The following TAFA1 variants were observed in gnomAD, a reference collection of about 807,000 sequenced individuals.
TAFA1 encodes TAFA chemokine like family member 1.
In TAFA1, 4 loss-of-function variants were observed where a neutral mutation model predicts 18.5. The observed-to-expected ratio is 0.22, with a 90% CI of 0.11 to 0.49. The LOEUF is 0.49. Ranked by LOEUF, TAFA1 falls within the 20% of genes least tolerant of loss-of-function variation. TAFA1 has a pLI of 0.98. For missense variants in TAFA1, 147 were observed against 169.0 expected (o/e 0.87, Z 0.72); for synonymous variants, 56 against 55.2 (o/e 1.01, Z -0.06).
chr3:68,298,440 A>G (rs1192860648), intron 2 of TAFA1, among the ~76,000 whole-genome samples: 1 of 152,188 alleles, frequency 6.6e-6, no homozygotes, highest in African/African-American at 2.4e-5. Flanking sequence ...GGACATTGAA[A>G]GGGTTTGCAG....
At position 68,350,358 on chromosome 3, in the gene TAFA1, C is replaced by T. The variant is rs183675477; in HGVS notation, c.119-66922C>T. On this transcript the variant is annotated intron_variant, in intron 2 of 4. Coordinates refer to ENST00000478136, the MANE Select transcript of TAFA1 (RefSeq NM_213609.4). ...TTATGTTATGCCAGTATCTTATACA[C>T]GCTGTTCTTATTTAAATATCTTCTA... Among the ~76,000 whole-genome samples the T allele has an allele frequency of 1.4e-3, 212 of 152,204 alleles. 1 individual carries two copies. Among genetic ancestry groups the T allele is most frequent in the Non-Finnish European group, 2.2e-3 (152 of 67,998 alleles).
At chr3:68,176,904 G>A (rs1384500068) in intron 2 of TAFA1, among the ~76,000 whole-genome samples, 1 of 152,050 alleles carries the variant, frequency 6.6e-6, no homozygotes, top group African/African-American at 2.4e-5. Flanking sequence ...GTTCTGGGAG[G>A]AATGTGGGGG....
At chr3:68,435,084 A>T (rs1371158201) in intron 3 of TAFA1, among the ~76,000 whole-genome samples, 1 of 152,086 alleles carries the variant, frequency 6.6e-6, no homozygotes, top group African/African-American at 2.4e-5. Context: ...GTGCTCTGAG[A>T]GCAGAGGTTA....
chr3:68,308,977 G>C (rs1273618344), intron 2 of TAFA1, among the ~76,000 whole-genome samples: 1 of 152,072 alleles, frequency 6.6e-6, no homozygotes, highest in African/African-American at 2.4e-5. Context: ...TATACCAGTT[G>C]CTTCACATCC....
Position 68,432,960 on chromosome 3 carries a change from C to T in TAFA1, c.259+15540C>T, listed in dbSNP as rs1027210243. Among the ~76,000 whole-genome samples, 5 of 152,002 alleles carry T rather than the reference C, an allele frequency of 3.3e-5. No homozygotes were observed. In the East Asian group the frequency reaches 9.7e-4, roughly 29 times the overall value. ...GACTCCCTAGGTTACTTCATTCATT[C>T]TCATGGCTTCAGAGACCCAAATAGC... On this transcript the variant is annotated intron_variant, in intron 3 of 4. Coordinates refer to ENST00000478136, the MANE Select transcript of TAFA1 (RefSeq NM_213609.4).
At chr3:68,523,917 A>T (rs563400858) in intron 3 of TAFA1, among the ~76,000 whole-genome samples, 1 of 152,260 alleles carries the variant, frequency 6.6e-6, no homozygotes, top group South Asian at 2.1e-4. Flanking sequence ...TTCGTGCTAT[A>T]CCAGTACATT....
chr3:68,040,700 T>C lies in TAFA1; in HGVS notation c.118+33956T>C, dbSNP rs966420855. On this transcript the variant is annotated intron_variant, in intron 2 of 4. Transcript: ENST00000478136. ...CATTCCTGATTCCTTCCTTCCTCCT[T>C]CTGCCAGACCTACTAATTCAAATTC... Among the ~76,000 whole-genome samples, 191 of 152,256 alleles carry C rather than the reference T, an allele frequency of 1.3e-3. 1 individual carries two copies. Among genetic ancestry groups the C allele is most frequent in the African/African-American group, 4.0e-3 (165 of 41,540 alleles).
At chr3:68,148,863 A>C (rs1310842192) in intron 2 of TAFA1, among the ~76,000 whole-genome samples, 1 of 152,236 alleles carries the variant, frequency 6.6e-6, no homozygotes. Flanking sequence ...AGTCCCCAAT[A>C]ATATCTACAT....
At chr3:68,080,169 G>C (rs1463917000) in intron 2 of TAFA1, among the ~76,000 whole-genome samples, 1 of 152,098 alleles carries the variant, frequency 6.6e-6, no homozygotes, top group South Asian at 2.1e-4. Flanking sequence ...TTGCTTGGTA[G>C]ATCTTCCTCC....
intron 2 of TAFA1, 154 bp from the exon 3 acceptor site, chr3:68,417,126 C>A (rs763190672): frequency 9.8e-6 from 6 of 611,780 alleles, no homozygotes; most frequent in African/African-American, 3.7e-5. Flanking sequence ...TGTGATTACA[C>A]GTAGTAGAAG....
At chr3:68,199,170 G>A (rs114383605) in intron 2 of TAFA1, among the ~76,000 whole-genome samples, 1 of 151,592 alleles carries the variant, frequency 6.6e-6, no homozygotes, top group African/African-American at 2.4e-5. Flanking sequence ...TTAAAGATCA[G>A]TTGACTATAT....
chr3:68,199,177 A>G (rs912894582), intron 2 of TAFA1, among the ~76,000 whole-genome samples: 1 of 151,488 alleles, frequency 6.6e-6, no homozygotes, highest in Non-Finnish European at 1.5e-5. Flanking sequence ...TCAGTTGACT[A>G]TATCTATTTC....
chr3:68,537,335 AC>A (rs2073292544), intron 3 of TAFA1, among the ~76,000 whole-genome samples: 1 of 152,138 alleles, frequency 6.6e-6, no homozygotes, highest in African/African-American at 2.4e-5. Context: ...GATTACACTA[AC>A]CCCCTAATGG....
At chr3:68,180,257 C>G (rs1575664127) in intron 2 of TAFA1, among the ~76,000 whole-genome samples, 1 of 151,394 alleles carries the variant, frequency 6.6e-6, no homozygotes, top group East Asian at 2.0e-4. Context: ...CCAGGCTGGT[C>G]TCGAACTCCC....
intron 3 of TAFA1, among the ~76,000 whole-genome samples, chr3:68,468,025 G>A (rs2071924014): frequency 6.6e-6 from 1 of 152,144 alleles, no homozygotes; most frequent in Non-Finnish European, 1.5e-5. Flanking sequence ...TTACTGTGAT[G>A]TCAAGATATG....
At chr3:68,311,310 A>ACGTATTCACGTT (rs1553673147) in intron 2 of TAFA1, among the ~76,000 whole-genome samples, 12 of 152,010 alleles carry the variant, frequency 7.9e-5, no homozygotes, top group Non-Finnish European at 1.8e-4. Flanking sequence ...CTCAAATTTC[A>ACGTATTCACGTT]TCAAAACCAA....
intron 2 of TAFA1, among the ~76,000 whole-genome samples, chr3:68,279,228 C>T (rs4428185): frequency 0.74 from 112,543 of 152,044 alleles, 42,170 homozygotes; most frequent in South Asian, 0.9. Flanking sequence ...TCTTAAAACT[C>T]AGATTTCAAG....
chr3:68,090,302 G>A (rs568046898), intron 2 of TAFA1, among the ~76,000 whole-genome samples: 25 of 152,186 alleles, frequency 1.6e-4, no homozygotes, highest in African/African-American at 2.4e-5. Context: ...ATAATATAGC[G>A]AGATCACGTG....
At chr3:68,383,110 T>G (rs1413128937) in intron 2 of TAFA1, among the ~76,000 whole-genome samples, 1 of 152,112 alleles carries the variant, frequency 6.6e-6, no homozygotes, top group Non-Finnish European at 1.5e-5. Flanking sequence ...GGGCTGAGAC[T>G]ATAGGGTTTT....
Sources: allele counts gnomAD v4.1 joint callset (sites outside exome capture counted in the v4.1 genomes callset), GRCh38; gene constraint gnomAD v4.1.1; transcripts MANE v1.5; gene names NCBI Gene and HGNC (gene_info 2026-07-23, HGNC 2026-07-21).